Variants in CEP126 observed in about 807,000 individuals in gnomAD.
The protein encoded by CEP126 is centrosomal protein of 126 kDa.
A neutral mutation model predicts 107.8 loss-of-function variants in CEP126; 74 were observed. The observed-to-expected ratio is 0.69, with a 90% CI of 0.57 to 0.83. The LOEUF (loss-of-function observed/expected upper bound fraction) is 0.83, where lower values mean the gene tolerates loss of function less well. Ranked by LOEUF, CEP126 falls within the 40% of genes least tolerant of loss-of-function variation. The pLI, the probability that CEP126 is intolerant of heterozygous loss-of-function variation, is 0.00. For synonymous variants in CEP126, 449 were observed against 446.0 expected, an observed-to-expected ratio of 1.01 and a Z score of -0.08; for missense variants, 1,237 against 1,281.9, an observed-to-expected ratio of 0.96 and a Z score of 0.53.
chr11:101,929,253 CTT>C (rs1940457035), intron 2 of CEP126, among the ~76,000 whole-genome samples: 1 of 152,200 alleles, frequency 6.6e-6, no homozygotes, highest in Non-Finnish European at 1.5e-5. Context: ...AAGTTTGAGA[CTT>C]TCCTGGTTCT....
At chr11:101,928,984 C>G (rs1323083866) in intron 2 of CEP126, among the ~76,000 whole-genome samples, 1 of 152,216 alleles carries the variant, frequency 6.6e-6, no homozygotes, top group East Asian at 1.9e-4. Context: ...GGAAAACTGA[C>G]ATCTTCACTA....
At chr11:101,944,708 T>G (rs1940712566) in intron 3 of CEP126, among the ~76,000 whole-genome samples, 1 of 152,160 alleles carries the variant, frequency 6.6e-6, no homozygotes, top group Non-Finnish European at 1.5e-5. Context: ...CAAAGAAAAT[T>G]TAACATTTGG....
chr11:101,924,668 A>G (rs1591268377), intron 2 of CEP126, among the ~76,000 whole-genome samples: 1 of 152,022 alleles, frequency 6.6e-6, no homozygotes, highest in South Asian at 2.1e-4. Flanking sequence ...AGGTTTCGCC[A>G]TGTTGGCCAG....
At chr11:101,985,988 A>ATTTTTTTTTTTTTTTTTTTT (rs773628925) in intron 8 of CEP126, among the ~76,000 whole-genome samples, 2 of 126,458 alleles carry the variant, frequency 1.6e-5, no homozygotes, top group African/African-American at 3.0e-5. Flanking sequence ...CTCTGAATTG[A>ATTTTTTTTTTTTTTTTTTTT]TTTCTTTTTT....
intron 5 of CEP126, among the ~76,000 whole-genome samples, chr11:101,960,601 C>T (rs1391947768): frequency 6.6e-6 from 1 of 152,092 alleles, no homozygotes; most frequent in Non-Finnish European, 1.5e-5. Context: ...ATAAAACTCT[C>T]ATGAATAATT....
intron 2 of CEP126, among the ~76,000 whole-genome samples, chr11:101,938,334 A>G (rs558052255): frequency 6.7e-6 from 1 of 148,178 alleles, no homozygotes; most frequent in South Asian, 2.1e-4. Flanking sequence ...TTTTTTCTTC[A>G]TTGTTCTTGC....
At chr11:101,995,996 G>T (rs762027281) in intron 10 of CEP126, among the ~76,000 whole-genome samples, 30 of 152,210 alleles carry the variant, frequency 2.0e-4, no homozygotes, top group Non-Finnish European at 7.3e-5. Context: ...GGCCACAAAA[G>T]AAGAAGGCAG....
At chr11:101,942,487 T>C (rs1486907835) in intron 2 of CEP126, among the ~76,000 whole-genome samples, 1 of 151,924 alleles carries the variant, frequency 6.6e-6, no homozygotes, top group Non-Finnish European at 1.5e-5. Flanking sequence ...TTTATGCTAG[T>C]ACTACACTGC....
chr11:101,964,123 T>C (rs1315059052), intron 6 of CEP126, among the ~76,000 whole-genome samples: 1 of 148,790 alleles, frequency 6.7e-6, no homozygotes, highest in East Asian at 2.0e-4. Context: ...CTGGCTAACA[T>C]AGCGAAATCC....
intron 9 of CEP126, among the ~76,000 whole-genome samples, chr11:101,989,881 A>G (rs1399720632): frequency 1.3e-5 from 2 of 151,916 alleles, no homozygotes; most frequent in African/African-American, 4.8e-5. Context: ...AATGGCATGA[A>G]CCCGGGAGTC....
intron 6 of CEP126, among the ~76,000 whole-genome samples, chr11:101,974,167 G>A (rs1591290265): frequency 6.7e-6 from 1 of 148,978 alleles, no homozygotes; most frequent in Non-Finnish European, 1.5e-5. Context: ...AAGCAAAAAA[G>A]GTTTACCATA....
Position 101,962,359 on chromosome 11 carries a change from G to T in CEP126, c.1324G>T (p.Glu442Ter), listed in dbSNP as rs750182375. ...ATTTCCAGACCAAGAGAAATATTCT[G>T]AATTAAATCAAGAAAATGGAACTAC... ...ATFPDQEKYS[E>*]LNQENGTTSI... Residue 442 changes from glutamate to a stop codon, truncating the protein, a stop_gained, in exon 6 of 11, where the codon GAA becomes TAA. Coordinates refer to ENST00000263468, the MANE Select transcript of CEP126 (RefSeq NM_020802.4). LOFTEE classifies it high-confidence loss of function. 12 of 1,613,594 alleles carry T rather than the reference G, an allele frequency of 7.4e-6. No individual in the cohort carries two copies. In the Admixed American group the frequency reaches 2.0e-4, roughly 27 times the overall value.
chr11:101,985,457 A>T (rs1941306025), intron 8 of CEP126, among the ~76,000 whole-genome samples: 1 of 152,028 alleles, frequency 6.6e-6, no homozygotes, highest in African/African-American at 2.4e-5. Flanking sequence ...TAATTTTTGT[A>T]TTTTTAGTTG....
intron 8 of CEP126, among the ~76,000 whole-genome samples, chr11:101,984,400 A>G (rs1283277811): frequency 1.3e-5 from 2 of 152,198 alleles, no homozygotes; most frequent in Non-Finnish European, 2.9e-5. Flanking sequence ...TCATTACGTA[A>G]GCAAAAAAAT....
chr11:101,971,608 C>T (rs1331177368), intron 6 of CEP126, among the ~76,000 whole-genome samples: 1 of 152,064 alleles, frequency 6.6e-6, no homozygotes, highest in African/African-American at 2.4e-5. Context: ...CCAGGCTGAA[C>T]TTGAATTCCT....
At chr11:101,926,112 T>C (rs532770869) in intron 2 of CEP126, among the ~76,000 whole-genome samples, 1 of 152,300 alleles carries the variant, frequency 6.6e-6, no homozygotes, top group East Asian at 1.9e-4. Flanking sequence ...AAACATGATT[T>C]CTGTCCTCAG....
intron 9 of CEP126, among the ~76,000 whole-genome samples, chr11:101,990,100 C>G (rs1377654025): frequency 6.7e-6 from 1 of 149,094 alleles, no homozygotes; most frequent in Non-Finnish European, 1.5e-5. Flanking sequence ...CAACAGATTG[C>G]TAAAAGATGA....
At chr11:101,932,352 G>A (rs914868437) in intron 2 of CEP126, among the ~76,000 whole-genome samples, 14 of 151,988 alleles carry the variant, frequency 9.2e-5, no homozygotes, top group Non-Finnish European at 1.5e-5. Context: ...CCTAACACAG[G>A]CTTTATTTTC....
At chr11:101,948,807 G>A (rs1048368172) in intron 4 of CEP126, among the ~76,000 whole-genome samples, 6 of 152,088 alleles carry the variant, frequency 3.9e-5, no homozygotes, top group African/African-American at 1.2e-4. Context: ...GTGAAATAGT[G>A]CTTCAGAAAT....
Sources: allele counts gnomAD v4.1 joint callset (sites outside exome capture counted in the v4.1 genomes callset), GRCh38; gene constraint gnomAD v4.1.1; transcripts MANE v1.5; gene names NCBI Gene and HGNC (gene_info 2026-07-23, HGNC 2026-07-21).